Variants in FAT4 observed in about 807,000 individuals in gnomAD.
The protein encoded by FAT4 is protocadherin Fat 4.
FAT4 carries 84 observed loss-of-function variants against 303.9 expected under a neutral mutation model. The observed-to-expected ratio is 0.28, with a 90% CI of 0.23 to 0.33. The LOEUF is 0.33. FAT4 is among the 10% of genes least tolerant of loss of function. The pLI is 1.00. For synonymous variants in FAT4, 2,307 were observed against 2,298.8 expected, an observed-to-expected ratio of 1.00 and a Z score of -0.10; for missense variants, 6,005 against 6,146.8, an observed-to-expected ratio of 0.98 and a Z score of 0.77.
chr4:125,316,633 C>T lies in FAT4; in HGVS notation c.222C>T (p.Leu74=). Residue 74 remains leucine, a synonymous_variant, in exon 2 of 18, where the codon CTC becomes CTT. Transcript: ENST00000394329. This position sits in a 1 kb window ranked among gnomAD's most constrained non-coding sequence, Gnocchi z 5.7. ...CGCGCCCCGGCTTCACCTACAGGCT[C>T]AGCGAAAGCCACGCCCTGTTTGCCA... ...IQTRPGFTYR[L]SESHALFAIN... 6.2e-7 allele frequency: 1 copy of T among 1,613,876 alleles called. No homozygotes were observed. Among genetic ancestry groups the T allele is most frequent in the East Asian group, 2.2e-5 (1 of 44,860 alleles).
At chr4:125,356,537 G>GT (rs1432744389) in intron 2 of FAT4, among the ~76,000 whole-genome samples, 12 of 118,720 alleles carry the variant, frequency 1.0e-4, no homozygotes, top group African/African-American at 3.7e-4. Flanking sequence ...GATATAGGGT[G>GT]TTTTGTTTTT....
Position 125,439,852 on chromosome 4 carries a change from C to A in FAT4, c.7199+5427C>A, listed in dbSNP as rs548801681. On this transcript the variant is annotated intron_variant, in intron 8 of 17. Coordinates refer to ENST00000394329, the MANE Select transcript of FAT4 (RefSeq NM_001291303.3). Reference sequence around the variant, plus strand: ...GAATTCTGGTTCTTTTATTTGCCTCCCATGGCCTAGGAAAGTCATTTTAGT... The same window carrying A: ...GAATTCTGGTTCTTTTATTTGCCTCACATGGCCTAGGAAAGTCATTTTAGT... 1.0e-3 allele frequency among the ~76,000 whole-genome samples: 156 copies of A among 152,184 alleles called. 1 individual carries two copies. Among genetic ancestry groups the A allele is most frequent in the African/African-American group, 3.5e-3 (146 of 41,514 alleles).
At chr4:125,412,338 A>G (rs1452134617) in intron 5 of FAT4, among the ~76,000 whole-genome samples, 1 of 151,840 alleles carries the variant, frequency 6.6e-6, no homozygotes, top group Non-Finnish European at 1.5e-5. Context: ...ATTAATTTTC[A>G]GTTCCTGAGA....
intron 2 of FAT4, among the ~76,000 whole-genome samples, chr4:125,323,367 A>C (rs918320324): frequency 1.3e-5 from 2 of 152,016 alleles, no homozygotes; most frequent in Non-Finnish European, 2.9e-5. Context: ...CAAGAAGATT[A>C]AAAATGTTTA....
At chr4:125,406,004 A>G (rs920091510) in intron 3 of FAT4, among the ~76,000 whole-genome samples, 2 of 151,996 alleles carry the variant, frequency 1.3e-5, no homozygotes, top group African/African-American at 2.4e-5. Flanking sequence ...TCGACTGTTT[A>G]CTGTAGAGAA....
Position 125,489,910 on chromosome 4 carries a change from A to G in FAT4, c.13094A>G (p.Asp4365Gly). The G allele has an allele frequency of 8.7e-7, 1 of 1,153,792 alleles. No individual in the cohort carries two copies. The highest frequency in any genetic ancestry group is 1.2e-6 in the Non-Finnish European group (1 of 865,684). The allele number at this position is 1,153,792 out of a possible 1,614,324, so 71.5% of individuals were successfully genotyped here. Residue 4365 changes from aspartate to glycine, a missense_variant, in exon 18 of 18, where the codon GAT becomes GGT. Transcript: ENST00000394329. ...CTTCTTCTTCTCCCAGCAGGTTTTGATGGCTGCATTGCTTCTATGTGGTAT... is the reference window on the plus strand; with the variant it reads ...CTTCTTCTTCTCCCAGCAGGTTTTGGTGGCTGCATTGCTTCTATGTGGTAT... Reference protein sequence around the residue: ...AHRDAQTAGFDGCIASMWYGG... With the variant: ...AHRDAQTAGFGGCIASMWYGG...
intron 2 of FAT4, among the ~76,000 whole-genome samples, chr4:125,377,507 C>T (rs1345181407): frequency 3.3e-5 from 5 of 152,022 alleles, no homozygotes; most frequent in African/African-American, 1.2e-4. Flanking sequence ...CTAAGATTTG[C>T]TTAAATGTAA....
chr4:125,466,043 G>A (rs114724312), intron 11 of FAT4, among the ~76,000 whole-genome samples: 3,485 of 152,156 alleles, frequency 0.023, 132 homozygotes, highest in African/African-American at 0.076. Context: ...TTTGAAGTTA[G>A]AAAAAAGTTT....
Position 125,319,019 on chromosome 4 carries a change from G to C in FAT4, c.2608G>C (p.Gly870Arg). The C allele has an allele frequency of 6.2e-7, 1 of 1,614,190 alleles. No homozygotes were observed. The highest frequency in any genetic ancestry group is 1.1e-5 in the South Asian group (1 of 91,076). ...TTATCAGCTGAAGGTAGTGGCCAGT[G>C]GGGGCACAGTGACTGGAGACACTAT... ...SFYQLKVVAS[G>R]GTVTGDTMVN... The change falls in exon 2 of 18, where the codon GGG (glycine) becomes CGG (arginine). Residue 870 changes from glycine (G) to arginine (R), a missense_variant. By Grantham distance (125) the Gly-to-Arg change is moderately radical. Coordinates refer to ENST00000394329, the MANE Select transcript of FAT4 (RefSeq NM_001291303.3).
At chr4:125,478,732 T>A (rs1461423880) in intron 14 of FAT4, among the ~76,000 whole-genome samples, 1 of 152,096 alleles carries the variant, frequency 6.6e-6, no homozygotes, top group Non-Finnish European at 1.5e-5. Flanking sequence ...GGTTTCACCA[T>A]GTTGACCAGG....
intron 2 of FAT4, among the ~76,000 whole-genome samples, chr4:125,393,304 T>C (rs1734042870): frequency 6.6e-6 from 1 of 152,154 alleles, no homozygotes; most frequent in South Asian, 2.1e-4. Flanking sequence ...GCAACCACCA[T>C]GCAATTATCA....
chr4:125,438,198 T>C (rs1347750169), intron 8 of FAT4, among the ~76,000 whole-genome samples: 1 of 152,208 alleles, frequency 6.6e-6, no homozygotes, highest in African/African-American at 2.4e-5. Context: ...TTCCTGAATA[T>C]GAAGTTGAAT....
chr4:125,351,241 A>G (rs1253093857), intron 2 of FAT4, among the ~76,000 whole-genome samples: 2 of 151,768 alleles, frequency 1.3e-5, no homozygotes, highest in African/African-American at 4.8e-5. Flanking sequence ...GTTTGGTGCC[A>G]CCAATTTGAA....
chr4:125,486,741 C>T (rs1017520253), intron 16 of FAT4, among the ~76,000 whole-genome samples: 1 of 152,176 alleles, frequency 6.6e-6, no homozygotes, highest in Non-Finnish European at 1.5e-5. Flanking sequence ...AAAGTGAAGG[C>T]TTGCCCAGAC....
intron 4 of FAT4, 82 bp from the exon 5 acceptor site, chr4:125,408,361 AT>A: frequency 2.4e-6 from 2 of 821,608 alleles, no homozygotes; most frequent in Non-Finnish European, 3.8e-6. Context: ...GTACAAATAC[AT>A]TTTTTGGTCT....
intron 8 of FAT4, among the ~76,000 whole-genome samples, chr4:125,444,460 A>G (rs1219123264): frequency 1.3e-5 from 2 of 152,048 alleles, no homozygotes; most frequent in Admixed American, 6.6e-5. Context: ...CTGATGGTCT[A>G]ATTCACCTCT....
chr4:125,392,029 AG>A (rs1449579128), intron 2 of FAT4, among the ~76,000 whole-genome samples: 1 of 152,180 alleles, frequency 6.6e-6, no homozygotes, highest in Non-Finnish European at 1.5e-5. Context: ...AGAATATAGA[AG>A]TCTCTAATTT....
At chr4:125,413,017 G>A (rs1255999406) in intron 5 of FAT4, among the ~76,000 whole-genome samples, 4 of 151,524 alleles carry the variant, frequency 2.6e-5, no homozygotes, top group African/African-American at 4.8e-5. Flanking sequence ...AGAAACACAC[G>A]TATACACATA....
intron 16 of FAT4, 25 bp from the exon 17 acceptor site, chr4:125,487,320 A>G: frequency 6.3e-7 from 1 of 1,583,504 alleles, no homozygotes; most frequent in Non-Finnish European, 8.6e-7. Flanking sequence ...TTTTAATTGC[A>G]TACTATTTTT....
Sources: allele counts gnomAD v4.1 joint callset (sites outside exome capture counted in the v4.1 genomes callset), GRCh38; gene constraint gnomAD v4.1.1; non-coding constraint Gnocchi (gnomAD v3.1); transcripts MANE v1.5; gene names NCBI Gene and HGNC (gene_info 2026-07-23, HGNC 2026-07-21).